DRD3: variants seen among roughly 807,000 people sequenced by gnomAD.
DRD3 encodes dopamine receptor D3, also known as D(3) dopamine receptor.
Under a neutral mutation model 36.3 loss-of-function variants are expected in DRD3, and 19 were observed. The observed-to-expected ratio is 0.52, with a 90% CI of 0.36 to 0.77. DRD3 has a LOEUF of 0.77. Among genes scored for constraint, DRD3 ranks in the 30% least tolerant of loss-of-function variants. DRD3 has a pLI of 0.00. For synonymous variants in DRD3, 195 were observed against 203.7 expected (o/e 0.96, Z 0.36); for missense variants, 465 against 505.3 (o/e 0.92, Z 0.77).
At chr3:114,141,554 T>C (rs541368571) in intron 4 of DRD3, among the ~76,000 whole-genome samples, 2 of 152,194 alleles carry the variant, frequency 1.3e-5, no homozygotes, top group Non-Finnish European at 2.9e-5. Context: ...TAGGGAGCAA[T>C]ATTTGTGGGA....
At chr3:114,167,600 G>A (rs2107877998) in intron 2 of DRD3, among the ~76,000 whole-genome samples, 1 of 152,228 alleles carries the variant, frequency 6.6e-6, no homozygotes. Context: ...TGGTCCCTGT[G>A]GGCCCCCTTA....
intron 3 of DRD3, among the ~76,000 whole-genome samples, chr3:114,156,053 C>T (rs980159401): frequency 2.0e-5 from 3 of 152,210 alleles, no homozygotes; most frequent in Non-Finnish European, 4.4e-5. Flanking sequence ...CTTTGACACA[C>T]ATTAACTCAT....
intron 4 of DRD3, among the ~76,000 whole-genome samples, chr3:114,145,182 G>A (rs2077559937): frequency 6.6e-6 from 1 of 152,116 alleles, no homozygotes; most frequent in South Asian, 2.1e-4. Flanking sequence ...CCTTGGTCTA[G>A]CAGTGGTGAG....
At chr3:114,175,591 G>A (rs138862824) in intron 1 of DRD3, among the ~76,000 whole-genome samples, 2 of 152,284 alleles carry the variant, frequency 1.3e-5, no homozygotes, top group Admixed American at 6.5e-5. Flanking sequence ...GAAACTACCT[G>A]AACAATCACG....
chr3:114,174,954 A>G (rs1357018277), intron 1 of DRD3, among the ~76,000 whole-genome samples: 1 of 152,166 alleles, frequency 6.6e-6, no homozygotes, highest in Non-Finnish European at 1.5e-5. Flanking sequence ...AGCAAAATGG[A>G]GATAATCATA....
chr3:114,154,149 T>C (rs566130915), intron 3 of DRD3, among the ~76,000 whole-genome samples: 91 of 152,312 alleles, frequency 6.0e-4, no homozygotes, highest in African/African-American at 2.1e-3. Context: ...ATTTAGCATT[T>C]CCACTTAAAT....
chr3:114,164,879 G>A (rs1479639425), intron 2 of DRD3, among the ~76,000 whole-genome samples: 2 of 152,088 alleles, frequency 1.3e-5, no homozygotes, highest in Admixed American at 6.5e-5. Flanking sequence ...AGCCTCCCAA[G>A]TAGCTGGATT....
chr3:114,137,816 C>G (rs1193494831), intron 5 of DRD3, among the ~76,000 whole-genome samples: 2 of 139,840 alleles, frequency 1.4e-5, no homozygotes, highest in South Asian at 2.5e-4. Flanking sequence ...ACAGTGAAAC[C>G]CCGTCTCTAC....
At chr3:114,186,765 G>C (rs1053878614) in intron 1 of DRD3, among the ~76,000 whole-genome samples, 1 of 152,212 alleles carries the variant, frequency 6.6e-6, no homozygotes, top group Non-Finnish European at 1.5e-5. Context: ...ATAGATTCCA[G>C]AGTTCCAAAA....
At chr3:114,159,916 A>T in intron 2 of DRD3, 49 bp from the exon 3 acceptor site, 4 of 1,553,138 alleles carry the variant, frequency 2.6e-6, no homozygotes, top group Non-Finnish European at 3.6e-6. Context: ...TGAAGGAACG[A>T]CAACCCAGTT....
chr3:114,184,925 CT>C (rs1231984160), intron 1 of DRD3, among the ~76,000 whole-genome samples: 1 of 152,066 alleles, frequency 6.6e-6, no homozygotes, highest in Non-Finnish European at 1.5e-5. Flanking sequence ...GTATTTTTTT[CT>C]TTTAGCATTT....
intron 3 of DRD3, among the ~76,000 whole-genome samples, chr3:114,153,197 A>G (rs1353746255): frequency 3.9e-5 from 6 of 152,074 alleles, no homozygotes; most frequent in African/African-American, 1.4e-4. Flanking sequence ...TCTCATCTGT[A>G]CAATGGGGAT....
At chr3:114,189,041 G>A (rs377649105) in intron 1 of DRD3, among the ~76,000 whole-genome samples, 72 of 152,210 alleles carry the variant, frequency 4.7e-4, no homozygotes, top group African/African-American at 1.6e-3. Flanking sequence ...CCACTTGTAC[G>A]TATATTTTAC....
intron 5 of DRD3, among the ~76,000 whole-genome samples, chr3:114,138,076 C>T (rs568866514): frequency 3.1e-4 from 45 of 143,466 alleles, no homozygotes; most frequent in South Asian, 2.2e-3. Flanking sequence ...GGCAGAGGCA[C>T]GAGAATCGCT....
intron 1 of DRD3, among the ~76,000 whole-genome samples, chr3:114,178,237 G>C (rs2077919716): frequency 6.6e-6 from 1 of 152,134 alleles, no homozygotes; most frequent in African/African-American, 2.4e-5. Context: ...ATTGAAAATA[G>C]TGCCTCTCCA....
intron 5 of DRD3, among the ~76,000 whole-genome samples, chr3:114,137,997 C>CAA (rs36094182): frequency 0.055 from 3,409 of 61,572 alleles, 182 homozygotes; most frequent in Middle Eastern, 0.13. Flanking sequence ...GACTCCGTCT[C>CAA]AAAAAAAAAA....
chr3:114,148,005 C>T (rs763808142), intron 3 of DRD3, among the ~76,000 whole-genome samples: 3 of 152,062 alleles, frequency 2.0e-5, no homozygotes, highest in Non-Finnish European at 4.4e-5. Context: ...ATACATATAG[C>T]ATGAGAAATA....
At chr3:114,153,169 T>G (rs1291186215) in intron 3 of DRD3, among the ~76,000 whole-genome samples, 1 of 152,186 alleles carries the variant, frequency 6.6e-6, no homozygotes, top group Non-Finnish European at 1.5e-5. Flanking sequence ...GTGGTTTGTT[T>G]TTTCTAAGAT....
At chr3:114,157,010 CTT>C (rs2077687420) in intron 3 of DRD3, among the ~76,000 whole-genome samples, 1 of 140,392 alleles carries the variant, frequency 7.1e-6, no homozygotes. Flanking sequence ...CTCTCTCTCT[CTT>C]TCTTTCTTTC....
Sources: allele counts gnomAD v4.1 joint callset (sites outside exome capture counted in the v4.1 genomes callset), GRCh38; gene constraint gnomAD v4.1.1; transcripts MANE v1.5; gene names NCBI Gene and HGNC (gene_info 2026-07-23, HGNC 2026-07-21).